Variants in WWOX observed in about 807,000 individuals in gnomAD.
WWOX encodes the protein WW domain containing oxidoreductase.
In WWOX, 69 loss-of-function variants were observed where a neutral mutation model predicts 46.2. The ratio of observed to expected loss-of-function variants is 1.49; its 90% CI spans 1.23 to 1.82. WWOX has a LOEUF of 1.82. Among genes scored for constraint, WWOX ranks in the 40% most tolerant of loss-of-function variants. The pLI is 0.00. For synonymous variants in WWOX, 359 were observed against 202.6 expected (o/e 1.77, Z -6.56); for missense variants, 919 against 542.6 (o/e 1.69, Z -6.89).
At chr16:78,507,307 A>G (rs2085232965) in intron 8 of WWOX, among the ~76,000 whole-genome samples, 1 of 152,244 alleles carries the variant, frequency 6.6e-6, no homozygotes, top group African/African-American at 2.4e-5. Flanking sequence ...TTCAAAATGT[A>G]AATTGTGCCT....
chr16:78,911,281 T>G (rs1418907700), intron 8 of WWOX, among the ~76,000 whole-genome samples: 1 of 152,100 alleles, frequency 6.6e-6, no homozygotes, highest in Non-Finnish European at 1.5e-5. Context: ...ACTACCTTGC[T>G]TGCCTATGGG....
chr16:78,919,408 C>G (rs943656025), intron 8 of WWOX, among the ~76,000 whole-genome samples: 1 of 152,012 alleles, frequency 6.6e-6, no homozygotes, highest in Non-Finnish European at 1.5e-5. Context: ...GCTCCATGGT[C>G]TAGCACAGGA....
chr16:78,607,574 C>T (rs559616268), intron 8 of WWOX, among the ~76,000 whole-genome samples: 12 of 151,906 alleles, frequency 7.9e-5, no homozygotes, highest in Admixed American at 1.3e-4. Flanking sequence ...GTCTTAGACC[C>T]GGAGAAGTCT....
chr16:78,166,567 A>C (rs886228801), intron 5 of WWOX: 6 of 143,602 alleles, frequency 4.2e-5, no homozygotes, highest in African/African-American at 7.8e-5. Context: ...TTTCTTTTTT[A>C]TTTTTTTTTT....
intron 6 of WWOX, among the ~76,000 whole-genome samples, chr16:78,392,431 T>C (rs112870533): frequency 0.014 from 2,182 of 152,182 alleles, 52 homozygotes; most frequent in African/African-American, 0.05. Context: ...GTGAGTTGGA[T>C]AACTATTTCA....
At position 78,799,469 on chromosome 16, in the gene WWOX, C is replaced by G. The variant is rs145843388; in HGVS notation, c.1056+366717C>G. Reference sequence around the variant, plus strand: ...ATTTTACTCACCAGGGATAGAGTCTCAAAGTTGGAGGTATTTTATGTTGTT... The same window carrying G: ...ATTTTACTCACCAGGGATAGAGTCTGAAAGTTGGAGGTATTTTATGTTGTT... On this transcript the variant is annotated intron_variant, in intron 8 of 8. Transcript: ENST00000566780. Among the ~76,000 whole-genome samples, 1,407 of 152,254 alleles carry G rather than the reference C, an allele frequency of 9.2e-3. 10 individuals are homozygous for G. Among genetic ancestry groups the G allele is most frequent in the Middle Eastern group, 0.017 (5 of 294 alleles).
intron 5 of WWOX, among the ~76,000 whole-genome samples, chr16:78,342,818 C>T (rs56155980): frequency 0.031 from 3,696 of 120,100 alleles, 984 homozygotes; most frequent in African/African-American, 0.058. Context: ...CCATCAACAC[C>T]GAGGTGTCGG....
chr16:78,577,714 T>A (rs1450374018), intron 8 of WWOX, among the ~76,000 whole-genome samples: 1 of 152,202 alleles, frequency 6.6e-6, no homozygotes, highest in Non-Finnish European at 1.5e-5. Context: ...TGGGAGACAG[T>A]GTGTTGACAC....
In WWOX at chr16:78,754,719, T is replaced by C. The variant is rs79438737; in HGVS notation, c.1056+321967T>C. On this transcript the variant is annotated intron_variant, in intron 8 of 8. Coordinates refer to ENST00000566780, the MANE Select transcript of WWOX (RefSeq NM_016373.4). The stretch of plus-strand genomic sequence containing the variant: ...TATGCAGTGCATTTATTTGGTTTTC[T>C]TGAAATAAGAAAAAAAGATTTCTTC... Among the ~76,000 whole-genome samples, 517 of 152,288 alleles carry C rather than the reference T, an allele frequency of 3.4e-3. 5 individuals are homozygous for C. The highest frequency in any genetic ancestry group is 0.012 in the African/African-American group (492 of 41,552).
At chr16:78,743,406 C>T (rs2049276887) in intron 8 of WWOX, among the ~76,000 whole-genome samples, 2 of 152,252 alleles carry the variant, frequency 1.3e-5, no homozygotes, top group East Asian at 1.9e-4. Flanking sequence ...GTATTTTGTA[C>T]TGTGTCCTGA....
intron 5 of WWOX, among the ~76,000 whole-genome samples, chr16:78,317,427 A>G (rs1317691514): frequency 6.6e-6 from 1 of 152,170 alleles, no homozygotes; most frequent in Non-Finnish European, 1.5e-5. Flanking sequence ...ATCATCCTAC[A>G]ATGTGCAGGA....
At chr16:78,685,949 A>T (rs1027044835) in intron 8 of WWOX, among the ~76,000 whole-genome samples, 2 of 152,088 alleles carry the variant, frequency 1.3e-5, no homozygotes, top group Non-Finnish European at 2.9e-5. Context: ...GAGGAGAGAC[A>T]TGGACCCACG....
chr16:78,523,582 TG>T (rs1418824566), intron 8 of WWOX, among the ~76,000 whole-genome samples: 1 of 152,208 alleles, frequency 6.6e-6, no homozygotes, highest in African/African-American at 2.4e-5. Flanking sequence ...CTGATGGAGG[TG>T]GGGGAAGAGT....
intron 6 of WWOX, among the ~76,000 whole-genome samples, chr16:78,390,081 G>T (rs1371923243): frequency 6.6e-6 from 1 of 152,174 alleles, no homozygotes; most frequent in East Asian, 1.9e-4. Flanking sequence ...CAGACTCAGA[G>T]AATGTGAGTG....
intron 8 of WWOX, among the ~76,000 whole-genome samples, chr16:78,555,513 C>G (rs564097615): frequency 1.3e-5 from 2 of 151,102 alleles, no homozygotes; most frequent in Admixed American, 6.6e-5. Context: ...ATCGATGTCT[C>G]GGGGCTTCTG....
chr16:78,834,126 A>C (rs75454284), intron 8 of WWOX, among the ~76,000 whole-genome samples: 5,346 of 152,340 alleles, frequency 0.035, 130 homozygotes, highest in South Asian at 0.071. Context: ...GAGCCTGTTA[A>C]GACCAGTGAT....
At chr16:78,928,259 G>C (rs1394107030) in intron 8 of WWOX, among the ~76,000 whole-genome samples, 1 of 147,398 alleles carries the variant, frequency 6.8e-6, no homozygotes, top group Admixed American at 6.8e-5. Context: ...CTGGAGTGCA[G>C]TGGCGCGATC....
chr16:78,834,642 C>A (rs931937734), intron 8 of WWOX, among the ~76,000 whole-genome samples: 1 of 152,100 alleles, frequency 6.6e-6, no homozygotes. Context: ...TCCAGGAATT[C>A]TTGATCTTTC....
chr16:79,128,088 C>G (rs959025553), intron 8 of WWOX, among the ~76,000 whole-genome samples: 2 of 152,016 alleles, frequency 1.3e-5, no homozygotes, highest in Non-Finnish European at 2.9e-5. Context: ...TTCTCCATCC[C>G]CCACCACCCA....
Sources: gnomAD v4.1 joint callset for allele counts (sites outside exome capture counted in the v4.1 genomes callset) on GRCh38, gnomAD v4.1.1 for gene constraint, MANE v1.5 for transcripts, NCBI Gene and HGNC (gene_info 2026-07-23, HGNC 2026-07-21) for gene names.